The following METAP2 variants were observed in gnomAD, a reference collection of about 807,000 sequenced individuals.
METAP2 encodes the protein methionine aminopeptidase 2.
METAP2 carries 25 observed loss-of-function variants against 59.4 expected under a neutral mutation model. That is an observed-to-expected ratio of 0.42 (90% CI 0.31 to 0.59). The LOEUF (loss-of-function observed/expected upper bound fraction) is 0.59, where lower values mean the gene tolerates loss of function less well. Among genes scored for constraint, METAP2 ranks in the 20% least tolerant of loss-of-function variants. METAP2 has a pLI of 0.16. For synonymous variants in METAP2, 214 were observed against 194.1 expected (o/e 1.10, Z -0.85); for missense variants, 366 against 581.2 (o/e 0.63, Z 3.81).
intron 8 of METAP2, among the ~76,000 whole-genome samples, chr12:95,509,478 C>A (rs1183426191): frequency 6.6e-6 from 1 of 152,140 alleles, no homozygotes; most frequent in Non-Finnish European, 1.5e-5. Context: ...ACAAAAGTGA[C>A]GCCAGTCGGA....
chr12:95,484,803 A>AT (rs111254343), intron 3 of METAP2: 36,196 of 432,256 alleles, frequency 0.084, 1,918 homozygotes, highest in African/African-American at 0.22. Context: ...TGTGCAAATA[A>AT]TTTTTTTTTA....
chr12:95,503,041 C>G (rs2076328539), intron 7 of METAP2, among the ~76,000 whole-genome samples: 1 of 146,438 alleles, frequency 6.8e-6, no homozygotes, highest in African/African-American at 2.5e-5. Flanking sequence ...AGTGGTAGAT[C>G]TGCCATCAGG....
intron 3 of METAP2, 195 bp downstream of exon 3, chr12:95,483,475 C>CAAAAA (rs141083015): frequency 6.9e-4 from 46 of 66,564 alleles, no homozygotes; most frequent in African/African-American, 8.6e-4. Flanking sequence ...GACTCTGTCT[C>CAAAAA]AAAAAAAAAA....
chr12:95,487,472 A>G lies in METAP2; in HGVS notation c.428+1491A>G, dbSNP rs113082020. The stretch of plus-strand genomic sequence containing the variant: ...CTTTTCTTTGAATTTGAAATCGTCA[A>G]TTGTCCCTATCTTAAAAGCACTTAT... On this transcript the variant is annotated intron_variant, in intron 4 of 10. Coordinates refer to ENST00000323666, the MANE Select transcript of METAP2 (RefSeq NM_006838.4). Among the ~76,000 whole-genome samples, 224 of 152,210 alleles carry G rather than the reference A, an allele frequency of 1.5e-3. 1 individual carries two copies. Among genetic ancestry groups the G allele is most frequent in the African/African-American group, 4.7e-3 (195 of 41,562 alleles).
chr12:95,500,382 T>C (rs2076306543), intron 7 of METAP2, among the ~76,000 whole-genome samples: 1 of 152,226 alleles, frequency 6.6e-6, no homozygotes. Flanking sequence ...CCAATTTAGA[T>C]GCCTTTTTAT....
chr12:95,489,513 T>C (rs11614671), intron 4 of METAP2, among the ~76,000 whole-genome samples: 24,144 of 152,272 alleles, frequency 0.16, 2,432 homozygotes, highest in East Asian at 0.38. Flanking sequence ...ATAACCAGTT[T>C]TGACTATTTG....
chr12:95,495,968 G>GA, intron 6 of METAP2, 36 bp from the exon 7 acceptor site: 1 of 1,261,078 alleles, frequency 7.9e-7, no homozygotes, highest in South Asian at 1.3e-5. Context: ...TTGACTAGCT[G>GA]ATAAGTAAAA....
At chr12:95,513,618 T>C (rs772107665) in intron 10 of METAP2, 34 bp from the exon 11 acceptor site, 5 of 1,597,352 alleles carry the variant, frequency 3.1e-6, no homozygotes, top group Non-Finnish European at 2.6e-6. Context: ...GTAACTCTTT[T>C]GCCAACAGTT....
At chr12:95,484,989 A>G (rs2076185053) in intron 3 of METAP2, 2 of 423,198 alleles carry the variant, frequency 4.7e-6, no homozygotes, top group African/African-American at 2.1e-5. Context: ...AAGCCAAATA[A>G]TATAATCATG....
chr12:95,511,678 C>T (rs1049085083), intron 8 of METAP2, among the ~76,000 whole-genome samples: 5 of 152,138 alleles, frequency 3.3e-5, no homozygotes, highest in Non-Finnish European at 7.3e-5. Context: ...AGGCATGAGC[C>T]ACTGCACCTG....
rs1425814844 is a variant in METAP2 at position 95,501,890 on chromosome 12, C to T, written c.868-2175C>T. Among the ~76,000 whole-genome samples the T allele has an allele frequency of 4.0e-5, 6 of 151,032 alleles. No homozygotes were observed. In the East Asian group the frequency reaches 1.2e-3, roughly 29 times the overall value. ...TCAAGTTACTACATAGTATCCTTTG[C>T]AGGGCATTTCTTGAGCACTTCTTGC... is the stretch of plus-strand genomic sequence containing the variant. On this transcript the variant is annotated intron_variant, in intron 7 of 10. Coordinates refer to ENST00000323666, the MANE Select transcript of METAP2 (RefSeq NM_006838.4).
intron 5 of METAP2, among the ~76,000 whole-genome samples, chr12:95,494,715 G>T (rs1207679244): frequency 6.6e-6 from 1 of 152,142 alleles, no homozygotes; most frequent in Non-Finnish European, 1.5e-5. Flanking sequence ...AGTAAATTTA[G>T]TTAAAAGTGG....
At chr12:95,503,856 A>G (rs2076335137) in intron 7 of METAP2, among the ~76,000 whole-genome samples, 1 of 152,180 alleles carries the variant, frequency 6.6e-6, no homozygotes, top group African/African-American at 2.4e-5. Context: ...AGATTTTGTC[A>G]GTGCACTTGT....
At chr12:95,502,368 T>C (rs1203557057) in intron 7 of METAP2, among the ~76,000 whole-genome samples, 1 of 152,190 alleles carries the variant, frequency 6.6e-6, no homozygotes, top group African/African-American at 2.4e-5. Flanking sequence ...GACAGCTTTT[T>C]TTCTTTTAGT....
intron 1 of METAP2, among the ~76,000 whole-genome samples, chr12:95,474,956 A>C (rs2076107026): frequency 6.6e-6 from 1 of 152,152 alleles, no homozygotes; most frequent in African/African-American, 2.4e-5. Context: ...GCCAAGCTTT[A>C]GGGCCTTTAG....
intron 7 of METAP2, among the ~76,000 whole-genome samples, chr12:95,497,436 A>G (rs932306688): frequency 1.3e-5 from 2 of 152,200 alleles, no homozygotes; most frequent in East Asian, 1.9e-4. Context: ...TAAATAATCT[A>G]TTGTGTGTAT....
rs1322017813 is a variant in METAP2, at chr12:95,495,988, G to T, written c.773-16G>T. The T allele has an allele frequency of 2.8e-6, 4 of 1,434,416 alleles. No individual in the cohort carries two copies. In the East Asian group the frequency reaches 9.2e-5, roughly 33 times the overall value. 88.9% of individuals were successfully genotyped at this position (1,434,416 alleles called of 1,614,324 possible). On this transcript the variant is annotated splice_polypyrimidine_tract_variant and intron_variant, in intron 6 of 10. Coordinates refer to ENST00000323666, the MANE Select transcript of METAP2 (RefSeq NM_006838.4). Reference sequence around the variant, plus strand: ...TAGCTGATAAGTAAAATTAAAAGAGGAATTTTCTCTTTCAGGTAGGATTAT... The same window carrying T: ...TAGCTGATAAGTAAAATTAAAAGAGTAATTTTCTCTTTCAGGTAGGATTAT...
chr12:95,487,437 A>G, intron 4 of METAP2, among the ~76,000 whole-genome samples: 1 of 152,170 alleles, frequency 6.6e-6, no homozygotes, highest in Non-Finnish European at 1.5e-5. Flanking sequence ...GAATTGTATG[A>G]CATGGGCTTC....
chr12:95,502,257 T>C (rs1211011872), intron 7 of METAP2, among the ~76,000 whole-genome samples: 5 of 152,136 alleles, frequency 3.3e-5, no homozygotes, highest in African/African-American at 1.2e-4. Context: ...CCTCCCACCT[T>C]GGCCTTCCAG....
Sources: gnomAD v4.1 joint callset for allele counts (sites outside exome capture counted in the v4.1 genomes callset) on GRCh38, gnomAD v4.1.1 for gene constraint, MANE v1.5 for transcripts, NCBI Gene and HGNC (gene_info 2026-07-23, HGNC 2026-07-21) for gene names.